The following PTPRN2 variants were observed in gnomAD, a reference collection of about 807,000 sequenced individuals.
PTPRN2 encodes the protein protein tyrosine phosphatase receptor type N2, also known as receptor-type tyrosine-protein phosphatase N2.
A neutral mutation model predicts 118.8 loss-of-function variants in PTPRN2; 74 were observed. The ratio of observed to expected loss-of-function variants is 0.62; its 90% CI spans 0.52 to 0.76. The LOEUF (loss-of-function observed/expected upper bound fraction) is 0.76. Ranked by LOEUF, PTPRN2 falls within the 30% of genes least tolerant of loss-of-function variation. The pLI is 0.00. For synonymous variants in PTPRN2, 641 were observed against 608.0 expected (o/e 1.05, Z -0.80); for missense variants, 1,481 against 1,394.4 (o/e 1.06, Z -0.99).
At chr7:157,628,727 C>G (rs951285498) in intron 14 of PTPRN2, among the ~76,000 whole-genome samples, 1 of 152,064 alleles carries the variant, frequency 6.6e-6, no homozygotes, top group Non-Finnish European at 1.5e-5. Flanking sequence ...GGTGTGTGCC[C>G]GGGGATGGGG....
chr7:158,165,627 C>T (rs1284348342), intron 6 of PTPRN2, among the ~76,000 whole-genome samples: 1 of 152,246 alleles, frequency 6.6e-6, no homozygotes, highest in Non-Finnish European at 1.5e-5. Context: ...TCAGCCTTCA[C>T]TTAAGGAGCA....
chr7:158,329,158 G>A (rs759547585), intron 2 of PTPRN2, among the ~76,000 whole-genome samples: 10 of 152,212 alleles, frequency 6.6e-5, no homozygotes, highest in South Asian at 2.1e-4. Flanking sequence ...GGTGTGAGCC[G>A]GCAGTACTGA....
At chr7:158,532,425 A>T (rs1772981562) in intron 1 of PTPRN2, among the ~76,000 whole-genome samples, 1 of 152,162 alleles carries the variant, frequency 6.6e-6, no homozygotes, top group Admixed American at 6.5e-5. Context: ...CATTCCAGTC[A>T]CGTGCCCCAC....
At chr7:158,356,150 C>T (rs1250343937) in intron 2 of PTPRN2, among the ~76,000 whole-genome samples, 2 of 152,152 alleles carry the variant, frequency 1.3e-5, no homozygotes, top group African/African-American at 4.8e-5. Context: ...GGATAAAGGA[C>T]ATCCAATGTA....
intron 1 of PTPRN2, among the ~76,000 whole-genome samples, chr7:158,522,500 G>C (rs567231641): frequency 1.3e-5 from 2 of 151,208 alleles, no homozygotes; most frequent in South Asian, 4.2e-4. Flanking sequence ...TAAGAGGAAG[G>C]TCCACGTCAG....
At chr7:157,653,069 C>T (rs1805778406) in intron 14 of PTPRN2, among the ~76,000 whole-genome samples, 3 of 152,198 alleles carry the variant, frequency 2.0e-5, no homozygotes, top group Non-Finnish European at 2.9e-5. Context: ...CCACATGTGT[C>T]CTTTGTCACA....
chr7:157,566,466 C>T lies in PTPRN2; in HGVS notation c.2902+2436G>A, dbSNP rs999976071. Among the ~76,000 whole-genome samples the T allele has an allele frequency of 5.3e-5, 8 of 152,194 alleles. No homozygotes were observed. The East Asian group carries it at 9.6e-4, about 18-fold the overall frequency. On this transcript the variant is annotated intron_variant, in intron 21 of 22. Coordinates refer to ENST00000389418, the MANE Select transcript of PTPRN2 (RefSeq NM_002847.5). ...AGGCCTGGGAAAGGCCCACCTCAGC[C>T]GGCAGAGGGGCTGCCTGCCCTTTGA...
At chr7:158,367,861 G>A (rs548771377) in intron 2 of PTPRN2, among the ~76,000 whole-genome samples, 4 of 152,168 alleles carry the variant, frequency 2.6e-5, no homozygotes, top group African/African-American at 7.2e-5. Flanking sequence ...TATATGGACC[G>A]TTTCTCCAGA....
At chr7:158,395,123 C>T (rs963137312) in intron 2 of PTPRN2, among the ~76,000 whole-genome samples, 11 of 152,036 alleles carry the variant, frequency 7.2e-5, no homozygotes, top group Non-Finnish European at 1.3e-4. Context: ...GCCGCGTTTT[C>T]GCCTGGGTGG....
At chr7:158,280,642 G>C (rs535334014) in intron 3 of PTPRN2, among the ~76,000 whole-genome samples, 2 of 152,246 alleles carry the variant, frequency 1.3e-5, no homozygotes, top group South Asian at 4.1e-4. Context: ...GAGCCGGACG[G>C]GTGCGGCCCG....
chr7:158,451,294 C>G (rs1446528027), intron 2 of PTPRN2, among the ~76,000 whole-genome samples: 2 of 152,120 alleles, frequency 1.3e-5, no homozygotes, highest in African/African-American at 4.8e-5. Flanking sequence ...CATTCTGTGG[C>G]TTGTCTTTTA....
chr7:158,279,323 C>T (rs1023842196), intron 3 of PTPRN2, among the ~76,000 whole-genome samples: 3 of 152,168 alleles, frequency 2.0e-5, no homozygotes, highest in Admixed American at 6.5e-5. Context: ...AGACACAGAG[C>T]ACTGATGGGT....
At chr7:158,422,007 T>C (rs950047574) in intron 2 of PTPRN2, among the ~76,000 whole-genome samples, 3 of 151,942 alleles carry the variant, frequency 2.0e-5, no homozygotes, top group South Asian at 4.2e-4. Context: ...ATGAGGGAGG[T>C]AGTTTGGTTC....
chr7:158,081,503 G>A (rs1812844434), intron 10 of PTPRN2, 126 bp from the exon 11 acceptor site: 1 of 826,548 alleles, frequency 1.2e-6, no homozygotes, highest in Non-Finnish European at 2.0e-6. Flanking sequence ...TGTGGCTCCA[G>A]GCGTCGACTC....
intron 12 of PTPRN2, among the ~76,000 whole-genome samples, chr7:157,835,363 T>C (rs1383472090): frequency 6.6e-6 from 1 of 152,138 alleles, no homozygotes; most frequent in African/African-American, 2.4e-5. Context: ...GAGAAATAAC[T>C]GTGAGGAAAT....
intron 11 of PTPRN2, among the ~76,000 whole-genome samples, chr7:158,037,484 C>T (rs1300079024): frequency 2.0e-5 from 3 of 152,198 alleles, no homozygotes; most frequent in East Asian, 1.9e-4. Flanking sequence ...TATGTATTTG[C>T]GTATCTAACC....
rs113892691 is a variant in PTPRN2, at chr7:158,136,881, G to A, written c.1133-186C>T. Among the ~76,000 whole-genome samples the A allele has an allele frequency of 7.2e-3, 1,098 of 152,292 alleles. 14 individuals are homozygous for A. The highest frequency in any genetic ancestry group is 0.024 in the African/African-American group (1,011 of 41,560). ...CACAAAATGGCATTCTGTAAACTTCGCGAGAGCGGAGGGGACTGAGGAGCT... is the reference window on the plus strand; with the variant it reads ...CACAAAATGGCATTCTGTAAACTTCACGAGAGCGGAGGGGACTGAGGAGCT... On this transcript the variant is annotated intron_variant, in intron 7 of 22. Coordinates refer to ENST00000389418, the MANE Select transcript of PTPRN2 (RefSeq NM_002847.5).
rs1312658172 is a variant in PTPRN2 at position 158,084,812 on chromosome 7, A to C, written c.1644-3435T>G. On this transcript the variant is annotated intron_variant, in intron 10 of 22. Transcript: ENST00000389418. ...GATGCCCATCCACACGGATGCCCAT[A>C]CACTCCTACAATGCCCATCCACACC... Among the ~76,000 whole-genome samples the C allele has an allele frequency of 4.9e-5, 6 of 122,768 alleles. No homozygotes were observed. The South Asian group carries it at 8.8e-4, about 18-fold the overall frequency. The allele number at this position is 122,768 out of a possible 152,430, so 80.5% of individuals were successfully genotyped here.
chr7:157,584,253 G>A (rs940236504), intron 17 of PTPRN2, among the ~76,000 whole-genome samples: 4 of 152,156 alleles, frequency 2.6e-5, no homozygotes, highest in African/African-American at 9.7e-5. Context: ...TTTGTGATGA[G>A]TCCCTTCCTG....
Sources: gnomAD v4.1 joint callset for allele counts (sites outside exome capture counted in the v4.1 genomes callset) on GRCh38, gnomAD v4.1.1 for gene constraint, MANE v1.5 for transcripts, NCBI Gene and HGNC (gene_info 2026-07-23, HGNC 2026-07-21) for gene names.